The following SGCZ variants were observed in gnomAD, a reference collection of about 807,000 sequenced individuals.
SGCZ encodes sarcoglycan zeta, also known as zeta-sarcoglycan.
SGCZ carries 40 observed loss-of-function variants against 41.3 expected under a neutral mutation model. That is an observed-to-expected ratio of 0.97 (90% CI 0.75 to 1.26). SGCZ has a LOEUF of 1.26. Ranked by LOEUF, SGCZ falls within the 50% of genes most tolerant of loss-of-function variation. The pLI is 0.00. For synonymous variants in SGCZ, 206 were observed against 137.5 expected, an observed-to-expected ratio of 1.50 and a Z score of -3.49; for missense variants, 552 against 369.8, an observed-to-expected ratio of 1.49 and a Z score of -4.04.
intron 2 of SGCZ, among the ~76,000 whole-genome samples, chr8:14,436,840 A>T (rs1217286659): frequency 6.6e-6 from 1 of 152,162 alleles, no homozygotes; most frequent in Admixed American, 6.5e-5. Flanking sequence ...TGAACTCACC[A>T]CTTCTTTGTT....
intron 3 of SGCZ, among the ~76,000 whole-genome samples, chr8:14,304,212 G>A (rs891605015): frequency 6.6e-6 from 1 of 152,044 alleles, no homozygotes; most frequent in Admixed American, 6.6e-5. Flanking sequence ...GGAGGCTGAG[G>A]CAGGAGGATC....
At chr8:14,926,033 T>C (rs1370254115) in intron 1 of SGCZ, among the ~76,000 whole-genome samples, 1 of 152,164 alleles carries the variant, frequency 6.6e-6, no homozygotes, top group African/African-American at 2.4e-5. Context: ...AAGTTAACTA[T>C]GTGAAGAATG....
chr8:14,136,934 C>G (rs1443677352), intron 5 of SGCZ, among the ~76,000 whole-genome samples: 2 of 152,186 alleles, frequency 1.3e-5, no homozygotes, highest in Admixed American at 6.5e-5. Context: ...AGGTGCCCCT[C>G]TGAGACGAAG....
chr8:14,427,606 C>T (rs924879337), intron 2 of SGCZ, among the ~76,000 whole-genome samples: 1 of 152,156 alleles, frequency 6.6e-6, no homozygotes, highest in Non-Finnish European at 1.5e-5. Context: ...TCTTTTGAGG[C>T]TCATCTTTCC....
At chr8:14,734,485 C>T (rs1798967263) in intron 1 of SGCZ, among the ~76,000 whole-genome samples, 1 of 152,068 alleles carries the variant, frequency 6.6e-6, no homozygotes, top group Non-Finnish European at 1.5e-5. Flanking sequence ...AAAGAAGCAC[C>T]GTAAAGGTTT....
At chr8:14,909,104 C>T (rs1799205720) in intron 1 of SGCZ, among the ~76,000 whole-genome samples, 1 of 152,128 alleles carries the variant, frequency 6.6e-6, no homozygotes, top group African/African-American at 2.4e-5. Context: ...TTAAGTATCT[C>T]ATCTAGTTTA....
chr8:14,948,043 G>C (rs1028706692), intron 1 of SGCZ, among the ~76,000 whole-genome samples: 3 of 152,166 alleles, frequency 2.0e-5, no homozygotes, highest in Non-Finnish European at 2.9e-5. Context: ...TCATTATGGA[G>C]AAGGACAGAA....
At chr8:14,387,462 A>G (rs1315831938) in intron 2 of SGCZ, among the ~76,000 whole-genome samples, 1 of 152,242 alleles carries the variant, frequency 6.6e-6, no homozygotes, top group Non-Finnish European at 1.5e-5. Flanking sequence ...TACTATATTC[A>G]GAATCAGTTT....
At chr8:15,038,814 CAA>C (rs58922339) in intron 1 of SGCZ, among the ~76,000 whole-genome samples, 8 of 93,032 alleles carry the variant, frequency 8.6e-5, no homozygotes, top group African/African-American at 1.6e-4. Context: ...TGACATTTCT[CAA>C]AAAAAAAAAA....
At chr8:14,607,060 T>G (rs1805773978) in intron 1 of SGCZ, among the ~76,000 whole-genome samples, 1 of 152,144 alleles carries the variant, frequency 6.6e-6, no homozygotes, top group Non-Finnish European at 1.5e-5. Flanking sequence ...GCTCTGGATT[T>G]AAACAATGGC....
At chr8:14,131,627 C>T (rs1006688902) in intron 5 of SGCZ, among the ~76,000 whole-genome samples, 3 of 152,036 alleles carry the variant, frequency 2.0e-5, no homozygotes, top group African/African-American at 7.3e-5. Context: ...TCAGTTTATC[C>T]TACATCATGT....
intron 1 of SGCZ, among the ~76,000 whole-genome samples, chr8:14,679,624 A>G (rs1808380714): frequency 6.6e-6 from 1 of 151,932 alleles, no homozygotes; most frequent in Admixed American, 6.6e-5. Flanking sequence ...TTGAAGAAAT[A>G]TAAAGATTTA....
At chr8:14,500,242 A>G (rs1302045534) in intron 2 of SGCZ, among the ~76,000 whole-genome samples, 2 of 152,168 alleles carry the variant, frequency 1.3e-5, no homozygotes, top group East Asian at 3.9e-4. Context: ...AATCAGATGT[A>G]ATGTAGTTTG....
intron 1 of SGCZ, among the ~76,000 whole-genome samples, chr8:14,908,241 A>G (rs1052165330): frequency 6.6e-6 from 1 of 152,142 alleles, no homozygotes; most frequent in Non-Finnish European, 1.5e-5. Context: ...AATTACCTCA[A>G]TTGGTCCGCA....
At chr8:15,047,476 A>T (rs923900302) in intron 1 of SGCZ, among the ~76,000 whole-genome samples, 1 of 152,030 alleles carries the variant, frequency 6.6e-6, no homozygotes. Flanking sequence ...CAGTATATTT[A>T]ACTCTGATTT....
Position 14,088,267 on chromosome 8 carries a change from T to C in SGCZ, c.*2176A>G, listed in dbSNP as rs1323375884. On this transcript the variant is annotated 3_prime_UTR_variant, in exon 8 of 8. Coordinates refer to ENST00000382080, the MANE Select transcript of SGCZ (RefSeq NM_139167.4). ...TTGAGTAAACTGAAGCCTGGAGAGA[T>C]TCTCGAACTGCCTAAAACAGCTCAA... Among the ~76,000 whole-genome samples, 1 of 151,830 alleles carries C rather than the reference T, an allele frequency of 6.6e-6. No homozygotes were observed. The highest frequency in any genetic ancestry group is 1.5e-5 in the Non-Finnish European group (1 of 67,832).
chr8:14,313,771 G>A (rs1201385012), intron 3 of SGCZ, among the ~76,000 whole-genome samples: 1 of 152,130 alleles, frequency 6.6e-6, no homozygotes, highest in Non-Finnish European at 1.5e-5. Flanking sequence ...TCTGAAATAG[G>A]TTGTTATTCA....
At chr8:15,203,372 A>G (rs981494160) in intron 1 of SGCZ, among the ~76,000 whole-genome samples, 1 of 152,152 alleles carries the variant, frequency 6.6e-6, no homozygotes, top group Non-Finnish European at 1.5e-5. Context: ...AATTATACCA[A>G]TGTCAGGCAT....
In SGCZ at chr8:14,792,521, T is replaced by C. The variant is rs1254754986; in HGVS notation, c.40-237595A>G. Among the ~76,000 whole-genome samples, 5 of 152,158 alleles carry C rather than the reference T, an allele frequency of 3.3e-5. No homozygotes were observed. In the East Asian group the frequency reaches 9.6e-4, roughly 29 times the overall value. ...AATTGTAAAATCCAATAATCACTTG[T>C]GCCATCATTTTACTTGGCATTTTAG... On this transcript the variant is annotated intron_variant, in intron 1 of 7. Transcript: ENST00000382080.
Sources: gnomAD v4.1 joint callset for allele counts (sites outside exome capture counted in the v4.1 genomes callset) on GRCh38, gnomAD v4.1.1 for gene constraint, MANE v1.5 for transcripts, NCBI Gene and HGNC (gene_info 2026-07-23, HGNC 2026-07-21) for gene names.